The following TENM3 variants were observed in gnomAD, a reference collection of about 807,000 sequenced individuals.
TENM3 encodes teneurin-3.
A neutral mutation model predicts 255.1 loss-of-function variants in TENM3; 63 were observed. The observed-to-expected ratio is 0.25, with a 90% confidence interval of 0.20 to 0.30. TENM3 has a LOEUF of 0.30. Among genes scored for constraint, TENM3 ranks in the 10% least tolerant of loss-of-function variants. TENM3 has a pLI of 1.00. For synonymous variants in TENM3, 1,306 were observed against 1,322.3 expected, an observed-to-expected ratio of 0.99 and a Z score of 0.27; for missense variants, 2,929 against 3,461.1, an observed-to-expected ratio of 0.85 and a Z score of 3.86.
intron 6 of TENM3, among the ~76,000 whole-genome samples, chr4:182,665,376 A>G (rs1281262131): frequency 3.3e-5 from 5 of 152,316 alleles, no homozygotes; most frequent in African/African-American, 1.2e-4. Flanking sequence ...CTTCTCATTG[A>G]CAATGTACCT....
intron 1 of TENM3, among the ~76,000 whole-genome samples, chr4:182,160,935 C>G (rs1751106226): frequency 6.6e-6 from 1 of 151,964 alleles, no homozygotes; most frequent in African/African-American, 2.4e-5. Flanking sequence ...TACATTGTAC[C>G]CCATAGATAT....
the TENM3 span, among the ~76,000 whole-genome samples, chr4:181,543,883 C>G: frequency 6.6e-6 from 1 of 152,180 alleles, no homozygotes; most frequent in South Asian, 2.1e-4. Flanking sequence ...AAATACTTCC[C>G]ATAATTATAT....
At chr4:181,979,677 G>A in the TENM3 span, among the ~76,000 whole-genome samples, 34 of 152,116 alleles carry the variant, frequency 2.2e-4, no homozygotes, top group African/African-American at 7.5e-4. Context: ...ATGATGCTCA[G>A]CCCCTTGTCC....
At chr4:182,734,292 G>C (rs533196250) in intron 16 of TENM3, among the ~76,000 whole-genome samples, 49 of 152,312 alleles carry the variant, frequency 3.2e-4, no homozygotes, top group African/African-American at 1.1e-3. Context: ...GGACAATGGG[G>C]AAGGAGGCAG....
chr4:182,016,336 C>A, the TENM3 span, among the ~76,000 whole-genome samples: 1 of 152,242 alleles, frequency 6.6e-6, no homozygotes, highest in Admixed American at 6.5e-5. Context: ...ATGCTTAATT[C>A]TAAACTCTCT....
the TENM3 span, among the ~76,000 whole-genome samples, chr4:182,135,687 T>C: frequency 1.3e-5 from 2 of 152,256 alleles, no homozygotes; most frequent in Non-Finnish European, 2.9e-5. Context: ...GTAAGTATGT[T>C]GTTAAGAGTG....
upstream of TENM3, chr4:182,143,355 C>CAGTAAGTTCATTAGTGT: frequency 6.0e-6 from 1 of 167,060 alleles, no homozygotes; most frequent in Middle Eastern, 3.4e-3. The surrounding 1 kb of genome is among the most constrained non-coding windows in gnomAD (Gnocchi z 4.3). Context: ...GTCATTTGCG[C>CAGTAAGTTCATTAGTGT]TTTTCGGTCT....
intron 3 of TENM3, among the ~76,000 whole-genome samples, chr4:182,460,139 C>T (rs949458167): frequency 2.0e-5 from 3 of 151,964 alleles, no homozygotes; most frequent in African/African-American, 2.4e-5. Flanking sequence ...CACGCTGAAA[C>T]GAGACAGCTA....
the TENM3 span, among the ~76,000 whole-genome samples, chr4:181,605,470 GA>G: frequency 7.9e-6 from 1 of 126,502 alleles, no homozygotes; most frequent in Non-Finnish European, 1.7e-5. Flanking sequence ...GAGAGAGAGA[GA>G]GAGAAACAGA....
the TENM3 span, among the ~76,000 whole-genome samples, chr4:181,978,302 G>C: frequency 2.0e-5 from 3 of 152,150 alleles, no homozygotes; most frequent in Non-Finnish European, 4.4e-5. Flanking sequence ...GCAGAACCAG[G>C]ATGAGAAGGG....
the TENM3 span, among the ~76,000 whole-genome samples, chr4:181,795,257 G>A: frequency 1.3e-5 from 2 of 151,806 alleles, no homozygotes; most frequent in African/African-American, 2.4e-5. Flanking sequence ...GGGAAGCCCA[G>A]CATCAAGGTG....
chr4:182,483,789 T>C (rs1273414666), intron 3 of TENM3, among the ~76,000 whole-genome samples: 1 of 152,038 alleles, frequency 6.6e-6, no homozygotes, highest in Non-Finnish European at 1.5e-5. Context: ...CTTAGAATCA[T>C]GGTAGGAGGC....
At chr4:181,768,605 A>G in the TENM3 span, among the ~76,000 whole-genome samples, 1 of 152,176 alleles carries the variant, frequency 6.6e-6, no homozygotes, top group Non-Finnish European at 1.5e-5. Context: ...CCTCATTAGC[A>G]CGGTATTATG....
the TENM3 span, among the ~76,000 whole-genome samples, chr4:181,635,807 A>C: frequency 3.9e-3 from 589 of 152,298 alleles, 5 homozygotes; most frequent in South Asian, 7.9e-3. Context: ...GAGCACAGTA[A>C]TAGCATAGGC....
At chr4:182,465,499 T>G (rs1732499590) in intron 3 of TENM3, among the ~76,000 whole-genome samples, 1 of 152,190 alleles carries the variant, frequency 6.6e-6, no homozygotes. Flanking sequence ...CCGTTAGAAC[T>G]GTGAGATAAA....
chr4:182,319,983 C>T (rs562040560), intron 1 of TENM3, among the ~76,000 whole-genome samples: 1 of 151,964 alleles, frequency 6.6e-6, no homozygotes, highest in African/African-American at 2.4e-5. Flanking sequence ...TGTGGTGGCA[C>T]GCGCCTGTAA....
Position 182,800,227 on chromosome 4 carries a change from T to A in TENM3, c.7976T>A (p.Leu2659Gln), listed in dbSNP as rs1766836455. 1 of 1,592,102 alleles carries A rather than the reference T, an allele frequency of 6.3e-7. No individual in the cohort carries two copies. The highest frequency in any genetic ancestry group is 8.5e-7 in the Non-Finnish European group (1 of 1,177,674). The change falls in exon 28 of 28, where the codon CTG (leucine) becomes CAG (glutamine). Residue 2659 changes from leucine to glutamine, a missense_variant. Leu to Gln is a moderately radical substitution (Grantham distance 113). Transcript: ENST00000511685. ...ACGGAGGGCGAGAAGCGGCAGCTGC[T>A]GAGCGCCGGCAAGGTGCAGGGCTAC... ...LWTEGEKRQL[L>Q]SAGKVQGYDG...
At chr4:182,418,084 A>G (rs1398465474) in intron 3 of TENM3, among the ~76,000 whole-genome samples, 1 of 152,216 alleles carries the variant, frequency 6.6e-6, no homozygotes, top group Non-Finnish European at 1.5e-5. Context: ...AGGTGCTAAC[A>G]TAAAAATGAA....
At chr4:181,983,840 C>T in the TENM3 span, among the ~76,000 whole-genome samples, 2 of 152,158 alleles carry the variant, frequency 1.3e-5, no homozygotes, top group South Asian at 4.1e-4. Flanking sequence ...CTGAACTCGT[C>T]TCAAAAATCC....
Sources: allele counts gnomAD v4.1 joint callset (sites outside exome capture counted in the v4.1 genomes callset), GRCh38; gene constraint gnomAD v4.1.1; non-coding constraint Gnocchi (gnomAD v3.1); transcripts MANE v1.5; gene names NCBI Gene and HGNC (gene_info 2026-07-23, HGNC 2026-07-21).